The following PPP4R3A variants were observed in gnomAD, a reference collection of about 807,000 sequenced individuals.
The protein encoded by PPP4R3A is serine/threonine-protein phosphatase 4 regulatory subunit 3A.
In PPP4R3A, 15 loss-of-function variants were observed where a neutral mutation model predicts 91.7. That is an observed-to-expected ratio of 0.16 (90% CI 0.11 to 0.25). PPP4R3A has a LOEUF of 0.25. Ranked by LOEUF, PPP4R3A falls within the 10% of genes least tolerant of loss-of-function variation. The probability of loss-of-function intolerance (pLI) is 1.00; values close to 1 mark genes in which losing one functional copy is unlikely to be tolerated. For missense variants in PPP4R3A, 623 were observed against 998.4 expected (o/e 0.62, Z 5.07); for synonymous variants, 377 against 348.7 (o/e 1.08, Z -0.91).
intron 1 of PPP4R3A, among the ~76,000 whole-genome samples, chr14:91,506,559 T>TGC (rs1891306082): frequency 1.3e-5 from 2 of 152,110 alleles, no homozygotes; most frequent in South Asian, 4.1e-4. Flanking sequence ...ATGGTGTGTG[T>TGC]GTATGTGTGT....
At chr14:91,486,573 T>C (rs1178901349) in intron 2 of PPP4R3A, among the ~76,000 whole-genome samples, 1 of 152,222 alleles carries the variant, frequency 6.6e-6, no homozygotes, top group South Asian at 2.1e-4. Flanking sequence ...ACTGAGACCA[T>C]TTTATATTCC....
At chr14:91,500,749 T>C (rs188048070) in intron 1 of PPP4R3A, among the ~76,000 whole-genome samples, 88 of 152,274 alleles carry the variant, frequency 5.8e-4, no homozygotes, top group African/African-American at 2.0e-3. Flanking sequence ...AGGCCAGGCA[T>C]GGTGGCTCAT....
At chr14:91,497,341 TAC>T (rs10542688) in intron 1 of PPP4R3A, among the ~76,000 whole-genome samples, 7,007 of 148,400 alleles carry the variant, frequency 0.047, 267 homozygotes, top group African/African-American at 0.11. Context: ...ATCTTTTATT[TAC>T]ACACACACAC....
intron 12 of PPP4R3A, 25 bp downstream of exon 12, chr14:91,462,710 T>C (rs771745815): frequency 3.1e-6 from 5 of 1,612,710 alleles, no homozygotes; most frequent in South Asian, 1.1e-5. Context: ...GCTGAACGAA[T>C]AGGTTTAAAT....
intron 1 of PPP4R3A, among the ~76,000 whole-genome samples, chr14:91,501,565 G>A (rs1890957028): frequency 6.6e-6 from 1 of 152,268 alleles, no homozygotes; most frequent in East Asian, 1.9e-4. Context: ...ACTGAGGTGA[G>A]AGGATTACCT....
chr14:91,467,028 A>T (rs1275184387), intron 10 of PPP4R3A, among the ~76,000 whole-genome samples: 1 of 152,122 alleles, frequency 6.6e-6, no homozygotes, highest in Non-Finnish European at 1.5e-5. Flanking sequence ...TCACTAAGAC[A>T]AGGGAATGTA....
chr14:91,458,726 T>TCAA lies in PPP4R3A; in HGVS notation c.*30_*32dup. The TCAA allele has an allele frequency of 6.2e-7, 1 of 1,614,064 alleles. No individual in the cohort carries two copies. On this transcript the variant is annotated 3_prime_UTR_variant, in exon 15 of 15. Transcript: ENST00000554943. ...GGGAGGGGTGGAGAACCAGTTTTTT[T>TCAA]CAACAGGTACTGATCCTAGGCCGTT...
At chr14:91,487,174 C>T (rs565442310) in intron 2 of PPP4R3A, among the ~76,000 whole-genome samples, 3 of 145,092 alleles carry the variant, frequency 2.1e-5, no homozygotes, top group Non-Finnish European at 4.4e-5. Context: ...CACTTGAACC[C>T]GGGAGGCAGA....
chr14:91,472,527 G>T (rs1211871146), intron 9 of PPP4R3A, among the ~76,000 whole-genome samples: 3 of 149,860 alleles, frequency 2.0e-5, no homozygotes. Flanking sequence ...GCAGTGGGGC[G>T]ACCTCGGCTC....
chr14:91,472,938 C>T, intron 9 of PPP4R3A, 95 bp downstream of exon 9: 1 of 1,072,976 alleles, frequency 9.3e-7, no homozygotes. Flanking sequence ...GCCTCTACCT[C>T]CCACTAACTG....
At position 91,458,688 on chromosome 14, in the gene PPP4R3A, G is replaced by C; in HGVS notation, c.*71C>G. 6.2e-7 allele frequency: 1 copy of C among 1,610,764 alleles called. No individual in the cohort carries two copies. The highest frequency in any genetic ancestry group is 1.1e-5 in the South Asian group (1 of 90,742). ...ACAAGAGACCACTGCGCTTTGTTGT[G>C]GATTTTGTATGGGGGAGGGGTGGAG... On this transcript the variant is annotated 3_prime_UTR_variant, in exon 15 of 15. Transcript: ENST00000554943.
intron 10 of PPP4R3A, among the ~76,000 whole-genome samples, chr14:91,469,308 T>C (rs1243728232): frequency 1.3e-5 from 2 of 152,188 alleles, no homozygotes; most frequent in Non-Finnish European, 2.9e-5. Flanking sequence ...GTGTTTAATA[T>C]GTTTGGTAAA....
chr14:91,465,136 T>A, intron 11 of PPP4R3A, 114 bp downstream of exon 11: 1 of 834,784 alleles, frequency 1.2e-6, no homozygotes, highest in Non-Finnish European at 1.7e-6. Flanking sequence ...AGTACTTTTT[T>A]TTTTTTTTAA....
At chr14:91,497,962 C>T (rs1473114933) in intron 1 of PPP4R3A, among the ~76,000 whole-genome samples, 2 of 152,202 alleles carry the variant, frequency 1.3e-5, no homozygotes, top group Non-Finnish European at 2.9e-5. Flanking sequence ...TCAGAGTCTA[C>T]ACTGATACTG....
intron 1 of PPP4R3A, among the ~76,000 whole-genome samples, chr14:91,508,836 C>G (rs1891571833): frequency 6.6e-6 from 1 of 152,130 alleles, no homozygotes; most frequent in Non-Finnish European, 1.5e-5. Context: ...TCAAAAAAAG[C>G]TCATATGATT....
chr14:91,474,955 T>C (rs935876880), intron 7 of PPP4R3A: 4 of 152,212 alleles, frequency 2.6e-5, no homozygotes, highest in African/African-American at 9.7e-5. Flanking sequence ...TGGCATTCCA[T>C]TTCCTTTTGA....
At chr14:91,487,118 C>T (rs985109053) in intron 2 of PPP4R3A, among the ~76,000 whole-genome samples, 12 of 151,362 alleles carry the variant, frequency 7.9e-5, no homozygotes, top group African/African-American at 1.5e-4. Flanking sequence ...GGCATGATGG[C>T]GGATGCCTGT....
At chr14:91,509,385 G>A in intron 1 of PPP4R3A, 121 bp downstream of exon 1, 2 of 1,410,576 alleles carry the variant, frequency 1.4e-6, no homozygotes, top group Middle Eastern at 2.4e-4. Flanking sequence ...CCCCCGAGGT[G>A]GCCGCCCTCC....
At chr14:91,459,230 C>T (rs1407246288) in intron 14 of PPP4R3A, among the ~76,000 whole-genome samples, 1 of 151,900 alleles carries the variant, frequency 6.6e-6, no homozygotes, top group African/African-American at 2.4e-5. Flanking sequence ...CTCAGCCTGC[C>T]GAGTAGCTGT....
Sources: gnomAD v4.1 joint callset for allele counts (sites outside exome capture counted in the v4.1 genomes callset) on GRCh38, gnomAD v4.1.1 for gene constraint, MANE v1.5 for transcripts, NCBI Gene and HGNC (gene_info 2026-07-23, HGNC 2026-07-21) for gene names.